The following ADCY2 variants were observed in gnomAD, a reference collection of about 807,000 sequenced individuals.
ADCY2 encodes adenylate cyclase type 2.
In ADCY2, 31 loss-of-function variants were observed where a neutral mutation model predicts 125.2. The ratio of observed to expected loss-of-function variants is 0.25; its 90% CI spans 0.19 to 0.33. ADCY2 has a LOEUF of 0.33. Among genes scored for constraint, ADCY2 ranks in the 10% least tolerant of loss-of-function variants. ADCY2 has a pLI of 1.00. For missense variants in ADCY2, 904 were observed against 1,418.2 expected (o/e 0.64, Z 5.82); for synonymous variants, 512 against 548.4 (o/e 0.93, Z 0.93).
In ADCY2 at chr5:7,699,137, G is replaced by C. The variant is rs1181211629; in HGVS notation, c.1109+763G>C. The stretch of plus-strand genomic sequence containing the variant: ...TTTTGAGACGGAGTCTCGCTCTGTC[G>C]CCCAGGCTGGAGTGCAGTGGCGGGA... On this transcript the variant is annotated intron_variant, in intron 7 of 24. Transcript: ENST00000338316. Among the ~76,000 whole-genome samples the C allele has an allele frequency of 3.6e-4, 39 of 107,024 alleles. 1 individual carries two copies. Among genetic ancestry groups the C allele is most frequent in the Non-Finnish European group, 6.0e-4 (35 of 58,398 alleles). The allele number at this position is 107,024 out of a possible 152,430, so 70.2% of individuals were successfully genotyped here.
intron 3 of ADCY2, among the ~76,000 whole-genome samples, chr5:7,534,361 C>T (rs1007118922): frequency 6.6e-6 from 1 of 152,210 alleles, no homozygotes; most frequent in African/African-American, 2.4e-5. Flanking sequence ...GAATAATTCC[C>T]ACATGGAGAA....
chr5:7,642,313 G>A (rs746751193), intron 4 of ADCY2, among the ~76,000 whole-genome samples: 7 of 152,226 alleles, frequency 4.6e-5, no homozygotes, highest in East Asian at 1.9e-4. Context: ...TTGGTGGCTT[G>A]TAAGTCTTCT....
chr5:7,438,319 G>A (rs1740884471), intron 2 of ADCY2, among the ~76,000 whole-genome samples: 1 of 152,206 alleles, frequency 6.6e-6, no homozygotes, highest in Admixed American at 6.5e-5. Flanking sequence ...GGAAACAGAA[G>A]GAATGAAACC....
At chr5:7,519,870 T>C (rs941462811) in intron 2 of ADCY2, among the ~76,000 whole-genome samples, 1 of 152,052 alleles carries the variant, frequency 6.6e-6, no homozygotes, top group Non-Finnish European at 1.5e-5. Flanking sequence ...TCCCTATGGG[T>C]TTACTTATTC....
intron 14 of ADCY2, among the ~76,000 whole-genome samples, chr5:7,731,252 G>T (rs1423321725): frequency 1.4e-5 from 2 of 147,000 alleles, no homozygotes; most frequent in African/African-American, 5.2e-5. Context: ...TTTCCTTGCA[G>T]ATTTTTTTTT....
intron 3 of ADCY2, among the ~76,000 whole-genome samples, chr5:7,571,502 C>A (rs1264056221): frequency 6.6e-6 from 1 of 152,132 alleles, no homozygotes; most frequent in Non-Finnish European, 1.5e-5. Context: ...ACTCAGCCTG[C>A]TAATTTCAGT....
intron 7 of ADCY2, among the ~76,000 whole-genome samples, chr5:7,706,139 G>A (rs1741260562): frequency 6.6e-6 from 1 of 152,090 alleles, no homozygotes; most frequent in African/African-American, 2.4e-5. Flanking sequence ...CTTCATTGAA[G>A]TTCATCATTT....
At chr5:7,725,647 C>A (rs764283529) in intron 13 of ADCY2, among the ~76,000 whole-genome samples, 7 of 152,188 alleles carry the variant, frequency 4.6e-5, no homozygotes, top group Admixed American at 2.6e-4. Flanking sequence ...TACATTATTT[C>A]TTTCCTGATA....
chr5:7,687,158 G>A (rs1450585895), intron 4 of ADCY2, among the ~76,000 whole-genome samples: 1 of 152,142 alleles, frequency 6.6e-6, no homozygotes, highest in African/African-American at 2.4e-5. Context: ...AACATATGAA[G>A]TTTACTTTCT....
At chr5:7,587,601 G>A (rs1425409113) in intron 3 of ADCY2, among the ~76,000 whole-genome samples, 2 of 152,136 alleles carry the variant, frequency 1.3e-5, no homozygotes, top group African/African-American at 2.4e-5. Flanking sequence ...TTGAATCTTA[G>A]GTAGGGCCAG....
At chr5:7,620,126 CTAATTA>C (rs1162837507) in intron 3 of ADCY2, among the ~76,000 whole-genome samples, 1 of 152,192 alleles carries the variant, frequency 6.6e-6, no homozygotes, top group Non-Finnish European at 1.5e-5. Flanking sequence ...TGAGCCCTAT[CTAATTA>C]TAAGACCCTT....
chr5:7,533,938 C>A (rs1053658142), intron 3 of ADCY2, among the ~76,000 whole-genome samples: 3 of 152,152 alleles, frequency 2.0e-5, no homozygotes, highest in Admixed American at 6.5e-5. Context: ...CTCATCAGTC[C>A]TAGTGGTTCC....
chr5:7,639,106 A>G (rs1738606296), intron 4 of ADCY2, among the ~76,000 whole-genome samples: 1 of 152,134 alleles, frequency 6.6e-6, no homozygotes, highest in Non-Finnish European at 1.5e-5. Context: ...TGAATTGCCC[A>G]GTCTCGGGTA....
At position 7,757,423 on chromosome 5, in the gene ADCY2, CTCTT is replaced by C. The variant is rs899164624; in HGVS notation, c.1957-24_1957-21del. 3 of 1,608,318 alleles carry C rather than the reference CTCTT, an allele frequency of 1.9e-6. No homozygotes were observed. In the African/African-American group the frequency reaches 4.0e-5, roughly 22 times the overall value. ...GAGAAGTCATCAGCTAGCAATGCTTCTCTTTTTCTTTCTCTCTTCTCCTAGCAAT... is the reference window on the plus strand; with the variant it reads ...GAGAAGTCATCAGCTAGCAATGCTTCTTTCTTTCTCTCTTCTCCTAGCAAT... On this transcript the variant is annotated intron_variant, in intron 15 of 24. Coordinates refer to ENST00000338316, the MANE Select transcript of ADCY2 (RefSeq NM_020546.3).
intron 15 of ADCY2, among the ~76,000 whole-genome samples, chr5:7,747,202 C>T (rs1404907584): frequency 7.9e-5 from 12 of 152,302 alleles, no homozygotes; most frequent in Non-Finnish European, 1.0e-4. Context: ...TTCTTGTGCA[C>T]GTGGGTGGGC....
chr5:7,793,393 G>A (rs1400103889), intron 20 of ADCY2, among the ~76,000 whole-genome samples: 1 of 152,206 alleles, frequency 6.6e-6, no homozygotes, highest in East Asian at 1.9e-4. Flanking sequence ...AGAAATTGCA[G>A]CGAGCCGAGA....
At chr5:7,512,233 A>AAAAAAAAG (rs1561066824) in intron 2 of ADCY2, among the ~76,000 whole-genome samples, 66 of 143,772 alleles carry the variant, frequency 4.6e-4, no homozygotes, top group African/African-American at 1.0e-3. Flanking sequence ...AAAAAAAAAA[A>AAAAAAAAG]AAAAAAAGAA....
Position 7,529,986 on chromosome 5 carries a change from A to G in ADCY2, c.570+9087A>G, listed in dbSNP as rs574910619. Among the ~76,000 whole-genome samples the G allele has an allele frequency of 3.9e-5, 6 of 152,246 alleles. No homozygotes were observed. In the South Asian group the frequency reaches 1.2e-3, roughly 32 times the overall value. On this transcript the variant is annotated intron_variant, in intron 3 of 24. Coordinates refer to ENST00000338316, the MANE Select transcript of ADCY2 (RefSeq NM_020546.3). The stretch of plus-strand genomic sequence containing the variant: ...CCCTACAGGAACTGATCCTGAGGGC[A>G]CTCCCTAATAAACACAACCTCATTT...
In ADCY2 at chr5:7,396,623, CG is replaced by C; in HGVS notation, c.210+118del. On this transcript the variant is annotated intron_variant, in intron 1 of 24. Coordinates refer to ENST00000338316, the MANE Select transcript of ADCY2 (RefSeq NM_020546.3). This position sits in a 1 kb window ranked among gnomAD's most constrained non-coding sequence, Gnocchi z 5.7. ...CTCGGCCCGCGGCAGCCCCTCGGCC[CG>C]CGGCAGCCCCTCGGCCCGCGGCTCC... The C allele has an allele frequency of 1.5e-6, 1 of 683,058 alleles. No individual in the cohort carries two copies. The allele number at this position is 683,058 out of a possible 1,614,324, so 42.3% of individuals were successfully genotyped here.
Sources: gnomAD v4.1 joint callset for allele counts (sites outside exome capture counted in the v4.1 genomes callset) on GRCh38, gnomAD v4.1.1 for gene constraint, Gnocchi (gnomAD v3.1) non-coding constraint, MANE v1.5 for transcripts, NCBI Gene and HGNC (gene_info 2026-07-23, HGNC 2026-07-21) for gene names.